TM7SF3: variants seen among roughly 807,000 people sequenced by gnomAD.
TM7SF3 encodes the protein transmembrane 7 superfamily member 3.
Under a neutral mutation model 65.5 loss-of-function variants are expected in TM7SF3, and 60 were observed. The observed-to-expected ratio is 0.92, with a 90% CI of 0.74 to 1.14. The LOEUF (loss-of-function observed/expected upper bound fraction) is 1.14, where lower values mean the gene tolerates loss of function less well. Ranked by LOEUF, TM7SF3 falls within the 50% of genes most tolerant of loss-of-function variation. TM7SF3 has a pLI of 0.00. For missense variants in TM7SF3, 623 were observed against 684.8 expected, an observed-to-expected ratio of 0.91 and a Z score of 1.01; for synonymous variants, 264 against 259.6, an observed-to-expected ratio of 1.02 and a Z score of -0.16.
intron 1 of TM7SF3, among the ~76,000 whole-genome samples, chr12:27,010,305 G>C (rs1183600678): frequency 6.6e-6 from 1 of 152,202 alleles, no homozygotes; most frequent in Middle Eastern, 3.2e-3. Context: ...AAGAAAGAAA[G>C]ACAATCAGGC....
At chr12:26,995,005 G>C (rs1940530905) in intron 5 of TM7SF3, among the ~76,000 whole-genome samples, 1 of 152,166 alleles carries the variant, frequency 6.6e-6, no homozygotes, top group Non-Finnish European at 1.5e-5. Flanking sequence ...CCAAGTCACA[G>C]ATGTGGCTGC....
intron 5 of TM7SF3, among the ~76,000 whole-genome samples, chr12:26,991,174 C>G (rs1940344718): frequency 8.3e-6 from 1 of 119,928 alleles, no homozygotes; most frequent in Admixed American, 1.1e-4. Flanking sequence ...GAGACGGAGT[C>G]TCGCTCTGTC....
intron 4 of TM7SF3, among the ~76,000 whole-genome samples, chr12:26,995,855 T>C (rs1280914701): frequency 6.6e-6 from 1 of 152,158 alleles, no homozygotes; most frequent in Non-Finnish European, 1.5e-5. Context: ...TTCTACCCTC[T>C]AGAACCATGA....
At chr12:26,985,840 G>A (rs1259257380) in intron 6 of TM7SF3, among the ~76,000 whole-genome samples, 1 of 89,034 alleles carries the variant, frequency 1.1e-5, no homozygotes, top group African/African-American at 4.6e-5. Context: ...TTGAGACAGA[G>A]TCTCGCTCTG....
At chr12:26,991,194 G>A (rs1404801496) in intron 5 of TM7SF3, among the ~76,000 whole-genome samples, 4 of 136,176 alleles carry the variant, frequency 2.9e-5, no homozygotes, top group Admixed American at 8.1e-5. Context: ...CGCCCAGGCC[G>A]GACTGCGGAC....
At chr12:26,979,337 A>C (rs1221022585) in intron 9 of TM7SF3, 1 of 154,402 alleles carries the variant, frequency 6.5e-6, no homozygotes, top group Non-Finnish European at 1.4e-5. Flanking sequence ...CACCAAAAAA[A>C]CCCCAGAACC....
chr12:26,976,773 A>C (rs1483633279), intron 9 of TM7SF3, among the ~76,000 whole-genome samples: 1 of 152,224 alleles, frequency 6.6e-6, no homozygotes, highest in Admixed American at 6.5e-5. Flanking sequence ...TAAAAAATAC[A>C]AGTAAAAGGC....
chr12:26,989,766 C>G (rs1940265063), intron 6 of TM7SF3, among the ~76,000 whole-genome samples: 1 of 152,154 alleles, frequency 6.6e-6, no homozygotes, highest in African/African-American at 2.4e-5. Context: ...GGCCTCCTAA[C>G]CAATCTGCAT....
intron 1 of TM7SF3, among the ~76,000 whole-genome samples, chr12:27,007,066 G>A (rs1408221198): frequency 2.0e-5 from 3 of 152,128 alleles, no homozygotes; most frequent in African/African-American, 7.2e-5. Flanking sequence ...TCTAGTCTAA[G>A]ATATCCAGAA....
chr12:26,990,485 C>G lies in TM7SF3; in HGVS notation c.833G>C (p.Ser278Thr). 1 of 1,613,988 alleles carries G rather than the reference C, an allele frequency of 6.2e-7. No individual in the cohort carries two copies. The highest frequency in any genetic ancestry group is 8.5e-7 in the Non-Finnish European group (1 of 1,179,888). The change falls in exon 6 of 12, where the codon AGC (serine) becomes ACC (threonine). Residue 278 changes from serine (S) to threonine (T), a missense_variant. Physicochemically the swap from Ser to Thr is moderately conservative, Grantham distance 58. Transcript: ENST00000343028. ...AYIPAHTYAC[S>T]FEAGEGSCAS... ...ACAACTACCCTCTCCTGCCTCAAAG[C>G]TGCAAGCGTATGTGTGAGCAGGAAT...
At chr12:27,005,370 A>T (rs1292987709) in intron 1 of TM7SF3, among the ~76,000 whole-genome samples, 1 of 152,112 alleles carries the variant, frequency 6.6e-6, no homozygotes, top group East Asian at 1.9e-4. Flanking sequence ...TGGACTAGGC[A>T]CTCTAGTTGT....
At chr12:26,983,401 T>C (rs771622076) in intron 6 of TM7SF3, 4 of 353,126 alleles carry the variant, frequency 1.1e-5, no homozygotes, top group South Asian at 6.6e-5. Context: ...TTTGATGCTA[T>C]TAAAGAAATA....
At chr12:27,002,401 C>G (rs1565465256) in intron 2 of TM7SF3, among the ~76,000 whole-genome samples, 1 of 151,778 alleles carries the variant, frequency 6.6e-6, no homozygotes, top group Non-Finnish European at 1.5e-5. Context: ...CGACCACATT[C>G]CGGCGTGGGT....
chr12:26,978,156 C>A, intron 9 of TM7SF3: 1 of 376,062 alleles, frequency 2.7e-6, no homozygotes, highest in Non-Finnish European at 5.2e-6. Context: ...CTCTAACGGT[C>A]CTTGAGCTAT....
At chr12:26,999,273 G>T (rs1416244749) in intron 3 of TM7SF3, among the ~76,000 whole-genome samples, 2 of 151,984 alleles carry the variant, frequency 1.3e-5, no homozygotes, top group Non-Finnish European at 2.9e-5. Context: ...GCGGGCGCCT[G>T]TAATCCCAGC....
chr12:26,973,826 A>T lies in TM7SF3; in HGVS notation c.*139T>A. On this transcript the variant is annotated 3_prime_UTR_variant, in exon 12 of 12. Coordinates refer to ENST00000343028, the MANE Select transcript of TM7SF3 (RefSeq NM_016551.3). ...TAATCCCCTAGTACACCCTTACCATATATCAATAAGGGCACCATAATATTA... is the reference window on the plus strand; with the variant it reads ...TAATCCCCTAGTACACCCTTACCATTTATCAATAAGGGCACCATAATATTA... 1 of 1,092,414 alleles carries T rather than the reference A, an allele frequency of 9.2e-7. No homozygotes were observed. Among genetic ancestry groups the T allele is most frequent in the Non-Finnish European group, 1.3e-6 (1 of 769,354 alleles). 67.7% of individuals were successfully genotyped at this position (1,092,414 alleles called of 1,614,324 possible).
At chr12:26,976,016 A>T (rs1429666146) in intron 10 of TM7SF3, among the ~76,000 whole-genome samples, 1 of 152,174 alleles carries the variant, frequency 6.6e-6, no homozygotes, top group African/African-American at 2.4e-5. Flanking sequence ...CTCTGCTCCC[A>T]CTGTTAAAAG....
chr12:26,989,413 G>C (rs1008809288), intron 6 of TM7SF3, among the ~76,000 whole-genome samples: 1 of 152,052 alleles, frequency 6.6e-6, no homozygotes, highest in African/African-American at 2.4e-5. Context: ...CTCCAGATTG[G>C]GCAACAGGAG....
chr12:26,999,982 T>C (rs781580900), intron 2 of TM7SF3, among the ~76,000 whole-genome samples: 1 of 152,238 alleles, frequency 6.6e-6, no homozygotes, highest in African/African-American at 2.4e-5. Context: ...TGGTTCATGA[T>C]AGCGGTGCCA....
Sources: gnomAD v4.1 joint callset for allele counts (sites outside exome capture counted in the v4.1 genomes callset) on GRCh38, gnomAD v4.1.1 for gene constraint, MANE v1.5 for transcripts, NCBI Gene and HGNC (gene_info 2026-07-23, HGNC 2026-07-21) for gene names.